SHANK2: variants seen among roughly 807,000 people sequenced by gnomAD.
The protein encoded by SHANK2 is SH3 and multiple ankyrin repeat domains 2.
In SHANK2, 43 loss-of-function variants were observed where a neutral mutation model predicts 133.7. That is an observed-to-expected ratio of 0.32 (90% CI 0.25 to 0.41). The LOEUF (loss-of-function observed/expected upper bound fraction) is 0.41, where lower values mean the gene tolerates loss of function less well. SHANK2 is among the 10% of genes least tolerant of loss of function. The pLI is 1.00. For synonymous variants in SHANK2, 1,017 were observed against 952.8 expected (o/e 1.07, Z -1.24); for missense variants, 1,994 against 2,235.8 (o/e 0.89, Z 2.18).
At chr11:70,723,299 G>GTCTCTCTCTCTCTCTC (rs57815500) in intron 14 of SHANK2, among the ~76,000 whole-genome samples, 3,546 of 145,738 alleles carry the variant, frequency 0.024, 67 homozygotes, top group Non-Finnish European at 0.029. Flanking sequence ...TGGAGGGTCT[G>GTCTCTCTCTCTCTCTC]TCTCTCTCTC....
At chr11:71,077,310 A>C (rs980494231) in intron 8 of SHANK2, among the ~76,000 whole-genome samples, 148 of 152,318 alleles carry the variant, frequency 9.7e-4, no homozygotes, top group African/African-American at 3.3e-3. Flanking sequence ...ATCCACACTC[A>C]TTATTCCCCT....
chr11:71,190,571 G>A (rs1201854219), intron 2 of SHANK2, among the ~76,000 whole-genome samples: 6 of 152,212 alleles, frequency 3.9e-5, no homozygotes, highest in African/African-American at 1.4e-4. Flanking sequence ...GAGAAAGTGC[G>A]TCACCACCCA....
rs552040044 is a variant in SHANK2 at position 70,739,504 on chromosome 11, C to T, written c.1778-40741G>A. ...CGTGGGGAGGGTGTTTGTGCCTGTG[C>T]CTTGTCTGGGGAACACCTGGATCAT... is the stretch of plus-strand genomic sequence containing the variant. On this transcript the variant is annotated intron_variant, in intron 14 of 25. Transcript: ENST00000601538. This position sits in a 1 kb window ranked among gnomAD's most constrained non-coding sequence, Gnocchi z 4.3. 6.0e-4 allele frequency among the ~76,000 whole-genome samples: 92 copies of T among 152,264 alleles called. No homozygotes were observed. The Middle Eastern group carries it at 0.01, about 17-fold the overall frequency.
chr11:70,923,270 T>C (rs1375845460), intron 10 of SHANK2, among the ~76,000 whole-genome samples: 5 of 152,174 alleles, frequency 3.3e-5, no homozygotes, highest in African/African-American at 1.2e-4. Flanking sequence ...TGAGATGGAG[T>C]CTTTCTCTGT....
At chr11:70,770,213 G>C (rs559519414) in intron 14 of SHANK2, among the ~76,000 whole-genome samples, 134 of 152,336 alleles carry the variant, frequency 8.8e-4, no homozygotes, top group Middle Eastern at 3.4e-3. Context: ...GTGTGACTTG[G>C]AGCTCGGCTG....
chr11:70,601,871 T>C (rs1554991143), intron 17 of SHANK2, among the ~76,000 whole-genome samples: 1 of 152,240 alleles, frequency 6.6e-6, no homozygotes, highest in African/African-American at 2.4e-5. Context: ...CTGCCAGGTC[T>C]GAACCAGAAC....
chr11:70,709,662 A>G (rs988427244), intron 14 of SHANK2, among the ~76,000 whole-genome samples: 3 of 152,230 alleles, frequency 2.0e-5, no homozygotes, highest in Non-Finnish European at 4.4e-5. Flanking sequence ...AGCATAGTTA[A>G]GGGAAGGCTT....
intron 17 of SHANK2, among the ~76,000 whole-genome samples, chr11:70,653,449 T>C (rs1271586702): frequency 3.3e-5 from 5 of 151,040 alleles, no homozygotes; most frequent in Non-Finnish European, 5.9e-5. Flanking sequence ...AAGAAACATA[T>C]ATATTTTTTT....
At chr11:70,701,382 T>G (rs1945515792) in intron 14 of SHANK2, among the ~76,000 whole-genome samples, 1 of 152,120 alleles carries the variant, frequency 6.6e-6, no homozygotes, top group Non-Finnish European at 1.5e-5. Context: ...CCCTCTGATA[T>G]CAAAATTGTA....
chr11:70,842,646 G>C (rs1184667719), intron 11 of SHANK2, among the ~76,000 whole-genome samples: 2 of 152,228 alleles, frequency 1.3e-5, no homozygotes, highest in African/African-American at 2.4e-5. Context: ...CCTCGGCCAG[G>C]AGTGGGTCCT....
chr11:71,235,719 A>T (rs1221716589), intron 1 of SHANK2, among the ~76,000 whole-genome samples: 1 of 152,182 alleles, frequency 6.6e-6, no homozygotes, highest in Non-Finnish European at 1.5e-5. Context: ...GCAAGGGGAA[A>T]ACACTGAAGG....
At chr11:71,239,394 T>A (rs1378105812) in intron 1 of SHANK2, among the ~76,000 whole-genome samples, 1 of 152,220 alleles carries the variant, frequency 6.6e-6, no homozygotes, top group African/African-American at 2.4e-5. Context: ...ATGATAATGA[T>A]GATGACTGAC....
chr11:71,103,151 A>G (rs1263938198), intron 6 of SHANK2, among the ~76,000 whole-genome samples: 1 of 152,198 alleles, frequency 6.6e-6, no homozygotes, highest in East Asian at 1.9e-4. Context: ...GTTCAACAGT[A>G]TAGAGGATGC....
chr11:70,795,074 C>T (rs570012718), intron 14 of SHANK2, among the ~76,000 whole-genome samples: 4 of 152,270 alleles, frequency 2.6e-5, no homozygotes, highest in East Asian at 1.9e-4. Context: ...GAATCCTCCC[C>T]GCCCTCCTCG....
intron 14 of SHANK2, among the ~76,000 whole-genome samples, chr11:70,756,595 T>C (rs1326992462): frequency 1.3e-5 from 2 of 152,122 alleles, no homozygotes; most frequent in Non-Finnish European, 2.9e-5. Flanking sequence ...CTGCCCTCTC[T>C]GGGGTCCAGG....
At chr11:70,747,873 GCA>G (rs1238067681) in intron 14 of SHANK2, among the ~76,000 whole-genome samples, 21 of 152,194 alleles carry the variant, frequency 1.4e-4, no homozygotes, top group Non-Finnish European at 2.4e-4. Flanking sequence ...GTGCATACAT[GCA>G]CACATGATGT....
intron 17 of SHANK2, among the ~76,000 whole-genome samples, chr11:70,521,819 G>A (rs553323995): frequency 1.1e-4 from 17 of 152,312 alleles, no homozygotes; most frequent in African/African-American, 3.6e-4. Flanking sequence ...ACGGTGCCAC[G>A]GCAGCTCCCA....
At chr11:70,673,062 A>C (rs1555016462) in intron 15 of SHANK2, among the ~76,000 whole-genome samples, 1 of 152,214 alleles carries the variant, frequency 6.6e-6, no homozygotes, top group African/African-American at 2.4e-5. Context: ...TCTTTGATGC[A>C]GGCTGGGTGT....
chr11:70,672,995 G>A (rs1329353559), intron 15 of SHANK2, among the ~76,000 whole-genome samples: 2 of 152,260 alleles, frequency 1.3e-5, no homozygotes, highest in East Asian at 1.9e-4. Context: ...CTGAGCAGAA[G>A]CTTCATCAGT....
Sources: gnomAD v4.1 joint callset for allele counts (sites outside exome capture counted in the v4.1 genomes callset) on GRCh38, gnomAD v4.1.1 for gene constraint, Gnocchi (gnomAD v3.1) non-coding constraint, MANE v1.5 for transcripts, NCBI Gene and HGNC (gene_info 2026-07-23, HGNC 2026-07-21) for gene names.